Variants in SLC2A9 observed in about 807,000 individuals in gnomAD.
SLC2A9 encodes the protein solute carrier family 2 member 9.
SLC2A9 carries 39 observed loss-of-function variants against 50.6 expected under a neutral mutation model. The ratio of observed to expected loss-of-function variants is 0.77; its 90% confidence interval spans 0.60 to 1.01. The LOEUF (loss-of-function observed/expected upper bound fraction) is 1.01. Among genes scored for constraint, SLC2A9 ranks in the 50% least tolerant of loss-of-function variants. The pLI is 0.00. For synonymous variants in SLC2A9, 324 were observed against 276.9 expected, an observed-to-expected ratio of 1.17 and a Z score of -1.69; for missense variants, 686 against 677.6, an observed-to-expected ratio of 1.01 and a Z score of -0.14.
At chr4:9,952,735 G>A (rs543333158) in intron 5 of SLC2A9, among the ~76,000 whole-genome samples, 1 of 152,260 alleles carries the variant, frequency 6.6e-6, no homozygotes, top group East Asian at 1.9e-4. Context: ...ATGTTGCCCA[G>A]GCTGGTCTCA....
At chr4:9,776,190 T>TC (rs1194664612), downstream of SLC2A9, among the ~76,000 whole-genome samples, 2 of 150,250 alleles carry the variant, frequency 1.3e-5, no homozygotes, top group South Asian at 2.1e-4. Flanking sequence ...TTTCTTTCTT[T>TC]TTTTTTTTTT....
chr4:9,967,802 T>C (rs1008318268), intron 5 of SLC2A9, among the ~76,000 whole-genome samples: 4 of 143,576 alleles, frequency 2.8e-5, no homozygotes, highest in Non-Finnish European at 4.5e-5. Flanking sequence ...TGACTGGTTA[T>C]TTAAAAATAA....
intron 10 of SLC2A9, among the ~76,000 whole-genome samples, chr4:9,843,710 G>T (rs537268348): frequency 1.3e-5 from 2 of 152,192 alleles, no homozygotes; most frequent in East Asian, 3.8e-4. Flanking sequence ...CTAATGCAGA[G>T]AATACACATT....
At chr4:9,776,558 G>A (rs1448979127), downstream of SLC2A9, among the ~76,000 whole-genome samples, 2 of 152,030 alleles carry the variant, frequency 1.3e-5, no homozygotes, top group African/African-American at 2.4e-5. Context: ...GGTGCTCCAG[G>A]GTGACAGGCA....
chr4:10,014,170 C>A (rs1181338191), intron 2 of SLC2A9, among the ~76,000 whole-genome samples: 1 of 152,098 alleles, frequency 6.6e-6, no homozygotes, highest in African/African-American at 2.4e-5. Context: ...CTCCCTGGTT[C>A]TGGGGCTGCC....
intron 11 of SLC2A9, among the ~76,000 whole-genome samples, chr4:9,828,921 G>C (rs1331628654): frequency 1.3e-5 from 2 of 152,154 alleles, no homozygotes; most frequent in African/African-American, 4.8e-5. Flanking sequence ...TAGATGCTCT[G>C]AGTATCTTAG....
At chr4:9,997,895 T>C (rs188327562) in intron 2 of SLC2A9, among the ~76,000 whole-genome samples, 27 of 152,130 alleles carry the variant, frequency 1.8e-4, no homozygotes, top group African/African-American at 5.3e-4. Flanking sequence ...TTGCAACACA[T>C]AGAACTACAA....
intron 6 of SLC2A9, among the ~76,000 whole-genome samples, chr4:9,931,078 GCTAT>G (rs1745811582): frequency 6.6e-6 from 1 of 152,156 alleles, no homozygotes; most frequent in Non-Finnish European, 1.5e-5. Context: ...CTGGGAAATT[GCTAT>G]CTATCAGCCC....
Position 9,942,009 on chromosome 4 carries a change from C to T in SLC2A9, c.718G>A (p.Val240Ile). The change falls in exon 6 of 12, where the codon GTC (valine) becomes ATC (isoleucine). Residue 240 changes from valine (V) to isoleucine (I), a missense_variant. By Grantham distance (29) the Val-to-Ile change is conservative. Coordinates refer to ENST00000264784, the MANE Select transcript of SLC2A9 (RefSeq NM_020041.3). ...TWPYLFGVIVVPAVVQLLSLP... is the reference protein window; with the variant it reads ...TWPYLFGVIVIPAVVQLLSLP... ...CTCAGCAGCTGGACAACGGCAGGGA[C>T]CACAATCACTCCAAACAGGTATGGC... 1.9e-6 allele frequency: 3 copies of T among 1,614,176 alleles called. No individual in the cohort carries two copies. Among genetic ancestry groups the T allele is most frequent in the Non-Finnish European group, 2.5e-6 (3 of 1,180,020 alleles).
rs76763113 is a variant in SLC2A9, at chr4:10,033,664, T to C, written c.-41+6466A>G. 4.8e-3 allele frequency among the ~76,000 whole-genome samples: 728 copies of C among 152,258 alleles called. 7 individuals are homozygous for C. The highest frequency in any genetic ancestry group is 0.016 in the African/African-American group (682 of 41,554). On this transcript the variant is annotated intron_variant, in intron 1 of 12. Coordinates refer to the SLC2A9 transcript ENST00000309065. ...GTGTTAGTTACCCCAATACGCCCACTCTCTGCTTCAGTGAGCAAGCTCTCT... is the reference window on the plus strand; with the variant it reads ...GTGTTAGTTACCCCAATACGCCCACCCTCTGCTTCAGTGAGCAAGCTCTCT...
intron 4 of SLC2A9, among the ~76,000 whole-genome samples, chr4:9,981,718 T>C (rs1755910232): frequency 6.6e-6 from 1 of 152,140 alleles, no homozygotes; most frequent in Non-Finnish European, 1.5e-5. Context: ...TATAAAAATA[T>C]AATAGTTTTT....
chr4:9,955,587 C>T (rs1394132294), intron 5 of SLC2A9, among the ~76,000 whole-genome samples: 1 of 151,536 alleles, frequency 6.6e-6, no homozygotes, highest in Non-Finnish European at 1.5e-5. Flanking sequence ...TCCAAGTGTA[C>T]TTTACTTCCT....
chr4:9,849,555 G>A (rs1729523747), intron 10 of SLC2A9, among the ~76,000 whole-genome samples: 1 of 152,168 alleles, frequency 6.6e-6, no homozygotes, highest in South Asian at 2.1e-4. Flanking sequence ...GTGTTCTTTA[G>A]TTGAATCAAT....
chr4:9,939,764 C>A (rs985771714), intron 6 of SLC2A9, among the ~76,000 whole-genome samples: 16 of 152,170 alleles, frequency 1.1e-4, no homozygotes, highest in African/African-American at 3.9e-4. Flanking sequence ...GACCTTCACC[C>A]TCCCTCACTC....
chr4:9,953,798 T>G (rs145032987), intron 5 of SLC2A9, among the ~76,000 whole-genome samples: 2,101 of 45,634 alleles, frequency 0.046, 22 homozygotes, highest in Middle Eastern at 0.12. Flanking sequence ...AAATTTTGTT[T>G]GTTTGTTTGT....
At chr4:9,884,487 A>G (rs1174002979) in intron 10 of SLC2A9, among the ~76,000 whole-genome samples, 1 of 151,740 alleles carries the variant, frequency 6.6e-6, no homozygotes, top group Non-Finnish European at 1.5e-5. Flanking sequence ...AAGATACAAG[A>G]CCATTTTTTG....
chr4:9,938,190 C>T (rs1440631727), intron 6 of SLC2A9, among the ~76,000 whole-genome samples: 2 of 152,058 alleles, frequency 1.3e-5, no homozygotes, highest in Non-Finnish European at 2.9e-5. Context: ...TGGAATTTAA[C>T]CCTGGCTTAA....
chr4:9,880,014 T>A, intron 10 of SLC2A9: 1 of 985,442 alleles, frequency 1.0e-6, no homozygotes, highest in African/African-American at 1.7e-5. Context: ...GGCCCTCTCC[T>A]GGGAGATCCA....
At chr4:10,018,554 A>AGATAGAT (rs199638029) in intron 2 of SLC2A9, among the ~76,000 whole-genome samples, 4,152 of 144,762 alleles carry the variant, frequency 0.029, 59 homozygotes, top group East Asian at 0.073. Flanking sequence ...GATGATAGAT[A>AGATAGAT]GATAGATAGA....
Sources: gnomAD v4.1 joint callset for allele counts (sites outside exome capture counted in the v4.1 genomes callset) on GRCh38, gnomAD v4.1.1 for gene constraint, MANE v1.5 for transcripts, NCBI Gene and HGNC (gene_info 2026-07-23, HGNC 2026-07-21) for gene names.